The following PDSS2 variants were observed in gnomAD, a reference collection of about 807,000 sequenced individuals.
PDSS2 encodes the protein decaprenyl diphosphate synthase subunit 2.
A neutral mutation model predicts 44.5 loss-of-function variants in PDSS2; 31 were observed. That is an observed-to-expected ratio of 0.70 (90% confidence interval 0.52 to 0.94). The LOEUF (loss-of-function observed/expected upper bound fraction) is 0.94, where lower values mean the gene tolerates loss of function less well. PDSS2 is among the 40% of genes least tolerant of loss of function. The pLI, the probability that PDSS2 is intolerant of heterozygous loss-of-function variation, is 0.00. For missense variants in PDSS2, 452 were observed against 482.2 expected (o/e 0.94, Z 0.59); for synonymous variants, 157 against 180.3 (o/e 0.87, Z 1.03).
chr6:107,370,462 T>C (rs1269904072), intron 1 of PDSS2, among the ~76,000 whole-genome samples: 1 of 152,234 alleles, frequency 6.6e-6, no homozygotes, highest in African/African-American at 2.4e-5. Flanking sequence ...CAAACAAAGC[T>C]TCTTGATCTG....
intron 2 of PDSS2, among the ~76,000 whole-genome samples, chr6:107,314,708 T>G (rs1777148590): frequency 6.6e-6 from 1 of 152,248 alleles, no homozygotes; most frequent in African/African-American, 2.4e-5. Flanking sequence ...ACAGTCAAAT[T>G]AGTACGCAAG....
intron 4 of PDSS2, among the ~76,000 whole-genome samples, chr6:107,238,179 G>A (rs953275960): frequency 6.6e-6 from 1 of 152,186 alleles, no homozygotes; most frequent in Non-Finnish European, 1.5e-5. Context: ...CAGGAAAGAG[G>A]TGTCTTGTTC....
chr6:107,434,203 T>A (rs896265092), intron 1 of PDSS2, among the ~76,000 whole-genome samples: 4 of 152,146 alleles, frequency 2.6e-5, no homozygotes, highest in Non-Finnish European at 5.9e-5. Context: ...CGCAAGTTCC[T>A]CAAAAACTGA....
chr6:107,384,690 T>C (rs1434585549), intron 1 of PDSS2, among the ~76,000 whole-genome samples: 2 of 151,388 alleles, frequency 1.3e-5, no homozygotes, highest in Admixed American at 6.6e-5. Flanking sequence ...CTAAACTGTA[T>C]ACTTAAAGAG....
At chr6:107,306,966 G>A (rs1776879447) in intron 2 of PDSS2, among the ~76,000 whole-genome samples, 1 of 152,126 alleles carries the variant, frequency 6.6e-6, no homozygotes, top group Non-Finnish European at 1.5e-5. Context: ...AGACCTCTAA[G>A]ACCACATTAC....
At chr6:107,224,947 C>T (rs968251435) in intron 4 of PDSS2, among the ~76,000 whole-genome samples, 7 of 149,652 alleles carry the variant, frequency 4.7e-5, no homozygotes, top group South Asian at 2.1e-4. Context: ...CTGTTGGCCA[C>T]GGCTACAGTC....
chr6:107,257,044 G>T (rs1775046638), intron 3 of PDSS2, among the ~76,000 whole-genome samples: 1 of 152,036 alleles, frequency 6.6e-6, no homozygotes, highest in African/African-American at 2.4e-5. Context: ...GCTGGGTGTG[G>T]TGGTGGGCGA....
intron 4 of PDSS2, among the ~76,000 whole-genome samples, chr6:107,233,964 C>T (rs1404268240): frequency 1.3e-5 from 2 of 151,978 alleles, no homozygotes; most frequent in African/African-American, 4.8e-5. Context: ...GCTAGGAGCC[C>T]AAGACCAGCC....
chr6:107,447,707 C>T lies in PDSS2; in HGVS notation c.296+11283G>A, dbSNP rs139219590. Among the ~76,000 whole-genome samples the T allele has an allele frequency of 1.6e-3, 250 of 152,270 alleles. 5 individuals are homozygous for T. The East Asian group carries it at 0.03, about 19-fold the overall frequency. ...TGGTGCAAGCTGTACGTGGATCTAC[C>T]ATTCTGGGGTCTGAAGGATGTTTGC... On this transcript the variant is annotated intron_variant, in intron 1 of 7. Transcript: ENST00000369037.
intron 1 of PDSS2, among the ~76,000 whole-genome samples, chr6:107,391,995 T>C (rs77598514): frequency 0.041 from 6,260 of 152,166 alleles, 188 homozygotes; most frequent in Non-Finnish European, 0.067. Context: ...TTAATACATA[T>C]TTTATAAAAA....
rs756806050 is a variant in PDSS2, at chr6:107,212,274, A to G, written c.711T>C (p.Tyr237=). Residue 237 remains tyrosine (Y), a synonymous_variant, in exon 5 of 8, where the codon TAT becomes TAC. Transcript: ENST00000369037. ...TCGATATTCCAATATCATCTGTGATATAACTTTCCTAAAAATGTAACAAAA... is the reference window on the plus strand; with the variant it reads ...TCGATATTCCAATATCATCTGTGATGTAACTTTCCTAAAAATGTAACAAAA... ...YHENSTSKES[Y]ITDDIGISTW... is the part of the protein sequence containing the mutation. The G allele has an allele frequency of 5.6e-6, 9 of 1,611,248 alleles. No individual in the cohort carries two copies. Among genetic ancestry groups the G allele is most frequent in the Non-Finnish European group, 8.5e-7 (1 of 1,178,456 alleles).
At chr6:107,450,128 A>C (rs1158645658) in intron 1 of PDSS2, among the ~76,000 whole-genome samples, 1 of 152,012 alleles carries the variant, frequency 6.6e-6, no homozygotes, top group East Asian at 1.9e-4. Context: ...GACTTTTTTC[A>C]CTCAGAATAA....
At chr6:107,315,808 G>A (rs1041499455) in intron 2 of PDSS2, among the ~76,000 whole-genome samples, 4 of 152,174 alleles carry the variant, frequency 2.6e-5, no homozygotes, top group African/African-American at 9.7e-5. Context: ...GGAAGTAACA[G>A]CTAAAGTGAG....
At chr6:107,201,531 G>C (rs1772777762) in intron 6 of PDSS2, among the ~76,000 whole-genome samples, 1 of 152,028 alleles carries the variant, frequency 6.6e-6, no homozygotes, top group Non-Finnish European at 1.5e-5. Context: ...TGTACAATGT[G>C]GTCTTTTACT....
chr6:107,209,810 C>A (rs1014589359), intron 6 of PDSS2, among the ~76,000 whole-genome samples: 1 of 151,962 alleles, frequency 6.6e-6, no homozygotes, highest in Admixed American at 6.6e-5. Context: ...CCAATTACAG[C>A]CACGAAGTTA....
intron 2 of PDSS2, among the ~76,000 whole-genome samples, chr6:107,281,656 A>AAAG (rs1171306358): frequency 1.3e-5 from 2 of 152,180 alleles, no homozygotes; most frequent in Non-Finnish European, 2.9e-5. Context: ...TTTTTTGTCT[A>AAAG]AAGACTTTTT....
At position 107,357,137 on chromosome 6, in the gene PDSS2, G is replaced by A. The variant is rs572009747; in HGVS notation, c.297-22805C>T. Among the ~76,000 whole-genome samples the A allele has an allele frequency of 2.6e-5, 4 of 152,202 alleles. No homozygotes were observed. The South Asian group carries it at 6.2e-4, about 24-fold the overall frequency. ...ATTTCTTAATGTTATTTAAATATGC[G>A]CACAGGAGACAGGGAGATGTGCTAG... On this transcript the variant is annotated intron_variant, in intron 1 of 7. Coordinates refer to ENST00000369037, the MANE Select transcript of PDSS2 (RefSeq NM_020381.4).
At chr6:107,410,313 T>C (rs1381926389) in intron 1 of PDSS2, among the ~76,000 whole-genome samples, 1 of 152,160 alleles carries the variant, frequency 6.6e-6, no homozygotes, top group Non-Finnish European at 1.5e-5. Flanking sequence ...TCTATCTGAT[T>C]TTCTCCACCC....
At chr6:107,260,130 A>C (rs1775165778) in intron 3 of PDSS2, among the ~76,000 whole-genome samples, 1 of 152,222 alleles carries the variant, frequency 6.6e-6, no homozygotes, top group African/African-American at 2.4e-5. Flanking sequence ...AAGTTTTCAC[A>C]GTTTACAATA....
Sources: allele counts gnomAD v4.1 joint callset (sites outside exome capture counted in the v4.1 genomes callset), GRCh38; gene constraint gnomAD v4.1.1; transcripts MANE v1.5; gene names NCBI Gene and HGNC (gene_info 2026-07-23, HGNC 2026-07-21).